Variants in HYKK observed in about 807,000 individuals in gnomAD.
The protein encoded by HYKK is 5-hydroxy-L-lysine kinase.
Under a neutral mutation model 29.7 loss-of-function variants are expected in HYKK, and 19 were observed. The observed-to-expected ratio is 0.64, with a 90% CI of 0.45 to 0.94. The LOEUF (loss-of-function observed/expected upper bound fraction) is 0.94, where lower values mean the gene tolerates loss of function less well. Ranked by LOEUF, HYKK falls within the 40% of genes least tolerant of loss-of-function variation. The pLI is 0.00. For missense variants in HYKK, 390 were observed against 443.4 expected, an observed-to-expected ratio of 0.88 and a Z score of 1.08; for synonymous variants, 152 against 158.1, an observed-to-expected ratio of 0.96 and a Z score of 0.29.
chr15:78,537,242 T>G (rs2052370440), downstream of HYKK: 1 of 534,776 alleles, frequency 1.9e-6, no homozygotes, highest in Non-Finnish European at 3.5e-6. Context: ...TGATTCGGTT[T>G]CTCTGGAAGA....
chr15:78,519,595 A>G (rs953806674), intron 3 of HYKK, among the ~76,000 whole-genome samples: 5 of 152,096 alleles, frequency 3.3e-5, no homozygotes, highest in African/African-American at 1.2e-4. Context: ...CCCCATCTCT[A>G]CTAAAAATAC....
chr15:78,529,026 C>T (rs73463030), intron 4 of HYKK, among the ~76,000 whole-genome samples: 1 of 152,082 alleles, frequency 6.6e-6, no homozygotes, highest in Non-Finnish European at 1.5e-5. Flanking sequence ...AGTTAGCAGT[C>T]ATAGGCTTCA....
intron 4 of HYKK, 41 bp downstream of exon 4, chr15:78,527,604 A>G: frequency 6.2e-7 from 1 of 1,605,700 alleles, no homozygotes; most frequent in Non-Finnish European, 8.5e-7. Flanking sequence ...TGATATTTAA[A>G]CTGTCCAATT....
chr15:78,533,557 A>G lies in HYKK; in HGVS notation c.1009A>G (p.Thr337Ala), dbSNP rs2052333352. 1 of 1,614,050 alleles carries G rather than the reference A, an allele frequency of 6.2e-7. No homozygotes were observed. Among genetic ancestry groups the G allele is most frequent in the Non-Finnish European group, 8.5e-7 (1 of 1,180,010 alleles). Residue 337 changes from threonine (T) to alanine (A), a missense_variant, in exon 5 of 5, where the codon ACT becomes GCT. Transcript: ENST00000388988. ...YPENKDYLMV[T>A]AKTGWKHLQQ... ...AGAGAACAAAGACTATCTCATGGTT[A>G]CTGCAAAAACCGGGTGGAAACACTT...
rs77732414 is a variant in HYKK at position 78,527,303 on chromosome 15, A to C, written c.478-77A>C. ...TCTGTCTCAAAAAAAAAAAAAAAAA[A>C]AATGTGCAGCACCTCCCACCTCTCT... On this transcript the variant is annotated intron_variant, in intron 3 of 4. Transcript: ENST00000388988. 7 of 1,259,250 alleles carry C rather than the reference A, an allele frequency of 5.6e-6. No homozygotes were observed. The East Asian group carries it at 1.7e-4, about 31-fold the overall frequency. The allele number at this position is 1,259,250 out of a possible 1,614,324, so 78.0% of individuals were successfully genotyped here.
rs1358578567 is a variant in HYKK at position 78,535,480 on chromosome 15, G to A, written c.*1810G>A. 1.3e-5 allele frequency: 2 copies of A among 151,590 alleles called. No homozygotes were observed. Among genetic ancestry groups the A allele is most frequent in the Non-Finnish European group, 1.5e-5 (1 of 67,910 alleles). 9.4% of individuals were successfully genotyped at this position (151,590 alleles called of 1,614,324 possible). A position where few individuals can be genotyped will look rare whatever the true frequency, so the allele number is the denominator to read the frequency against. On this transcript the variant is annotated 3_prime_UTR_variant, in exon 5 of 5. Transcript: ENST00000388988. Reference sequence around the variant, plus strand: ...ATACCTATCTCATAGAATTAATAGAGTTCATTGTGAAGATTTCATAAGAGA... The same window carrying A: ...ATACCTATCTCATAGAATTAATAGAATTCATTGTGAAGATTTCATAAGAGA...
In HYKK at chr15:78,527,477, G is replaced by A. The variant is rs1894301919; in HGVS notation, c.575G>A (p.Gly192Asp). The A allele has an allele frequency of 1.2e-6, 2 of 1,613,968 alleles. No homozygotes were observed. Among genetic ancestry groups the A allele is most frequent in the Non-Finnish European group, 8.5e-7 (1 of 1,180,022 alleles). ...PLLEKYLYAL[G>D]QNRNREIVEH... ...CTGGAGAAATACCTGTATGCCCTGG[G>A]CCAGAATCGAAACCGAGAGATTGTT... is the stretch of plus-strand genomic sequence containing the variant. Residue 192 changes from glycine (G) to aspartate (D), a missense_variant, in exon 4 of 5, where the codon GGC (glycine) becomes GAC (aspartate). Coordinates refer to ENST00000388988, the MANE Select transcript of HYKK (RefSeq NM_001013619.4).
At chr15:78,508,634 T>C (rs928870378) in intron 1 of HYKK, among the ~76,000 whole-genome samples, 1 of 152,020 alleles carries the variant, frequency 6.6e-6, no homozygotes. Flanking sequence ...ACCAACAGCC[T>C]ATAGTACCTG....
chr15:78,516,431 G>A (rs1007358396), intron 3 of HYKK, among the ~76,000 whole-genome samples: 3 of 147,278 alleles, frequency 2.0e-5, no homozygotes, highest in African/African-American at 5.0e-5. Flanking sequence ...ATGCAGCCTC[G>A]AATTCCCAGG....
chr15:78,514,692 T>A (rs1244218963), intron 2 of HYKK, among the ~76,000 whole-genome samples: 2 of 152,166 alleles, frequency 1.3e-5, no homozygotes, highest in Non-Finnish European at 2.9e-5. Flanking sequence ...ATAATTTTGT[T>A]GGTATGTAAA....
chr15:78,525,633 G>A (rs893802330), intron 3 of HYKK, among the ~76,000 whole-genome samples: 2 of 152,028 alleles, frequency 1.3e-5, no homozygotes, highest in East Asian at 3.9e-4. Flanking sequence ...AAGTAGTTGG[G>A]ACTACAGGCA....
At chr15:78,508,409 T>G (rs1273009126) in intron 1 of HYKK, among the ~76,000 whole-genome samples, 13 of 152,154 alleles carry the variant, frequency 8.5e-5, no homozygotes, top group Non-Finnish European at 1.9e-4. Flanking sequence ...TTACTAGACT[T>G]TGTTACACGT....
At chr15:78,523,556 C>T (rs1161143063) in intron 3 of HYKK, among the ~76,000 whole-genome samples, 1 of 152,120 alleles carries the variant, frequency 6.6e-6, no homozygotes, top group African/African-American at 2.4e-5. Flanking sequence ...GTCCTTCTTC[C>T]AATGCAAAAT....
At chr15:78,518,769 G>A (rs185327045) in intron 3 of HYKK, 135 of 327,950 alleles carry the variant, frequency 4.1e-4, no homozygotes, top group Middle Eastern at 2.3e-3. Context: ...ACAAAAATTA[G>A]CCAGGTATGG....
At position 78,513,341 on chromosome 15, in the gene HYKK, A is replaced by G; in HGVS notation, c.253A>G (p.Ile85Val). ...CCTGATTGAAGTGCAGAATCACATC[A>G]TCATGTTTCTGAAAGCCGCTGGATT... ...PDLIEVQNHI[I>V]MFLKAAGFPT... Residue 85 changes from isoleucine to valine, a missense_variant, in exon 2 of 5, where the codon ATC becomes GTC. Ile to Val is a conservative substitution (Grantham distance 29). Coordinates refer to ENST00000388988, the MANE Select transcript of HYKK (RefSeq NM_001013619.4). The G allele has an allele frequency of 6.2e-7, 1 of 1,614,224 alleles. No individual in the cohort carries two copies. The highest frequency in any genetic ancestry group is 1.3e-5 in the African/African-American group (1 of 75,070).
chr15:78,508,940 TGGGAAGCTCA>T (rs2052043779), intron 1 of HYKK, among the ~76,000 whole-genome samples: 1 of 147,126 alleles, frequency 6.8e-6, no homozygotes, highest in South Asian at 2.2e-4. Context: ...CCCAGCTATT[TGGGAAGCTCA>T]GGTGGGAGGA....
intron 1 of HYKK, among the ~76,000 whole-genome samples, chr15:78,510,578 T>C (rs2052064460): frequency 6.6e-6 from 1 of 152,164 alleles, no homozygotes; most frequent in East Asian, 1.9e-4. Flanking sequence ...ATTTCTGGTA[T>C]ATCTCCCTGA....
chr15:78,521,119 G>C (rs148027112), intron 3 of HYKK, among the ~76,000 whole-genome samples: 103 of 152,334 alleles, frequency 6.8e-4, no homozygotes, highest in African/African-American at 2.4e-3. Flanking sequence ...TGCTCTGCTG[G>C]GGACATGGTT....
At chr15:78,526,496 C>A (rs537945560) in intron 3 of HYKK, among the ~76,000 whole-genome samples, 1 of 152,074 alleles carries the variant, frequency 6.6e-6, no homozygotes, top group Non-Finnish European at 1.5e-5. Context: ...GTAGAAATGA[C>A]GGCACTAACC....
Sources: gnomAD v4.1 joint callset for allele counts (sites outside exome capture counted in the v4.1 genomes callset) on GRCh38, gnomAD v4.1.1 for gene constraint, MANE v1.5 for transcripts, NCBI Gene and HGNC (gene_info 2026-07-23, HGNC 2026-07-21) for gene names.